Variants in CHEK2 observed in about 807,000 individuals in gnomAD.
CHEK2 encodes the protein serine/threonine-protein kinase Chk2.
CHEK2 carries 71 observed loss-of-function variants against 69.1 expected under a neutral mutation model. The observed-to-expected ratio is 1.03, with a 90% CI of 0.85 to 1.25. CHEK2 has a LOEUF of 1.25. CHEK2 is among the 50% of genes most tolerant of loss of function. The pLI is 0.00. For synonymous variants in CHEK2, 189 were observed against 226.9 expected (o/e 0.83, Z 1.50); for missense variants, 664 against 649.6 (o/e 1.02, Z -0.24).
chr22:28,711,946 C>T lies in CHEK2; in HGVS notation c.755G>A (p.Ser252Asn), dbSNP rs587781379. ...TCKKVAIKIISKRKFAIGSAR... is the reference protein window; with the variant it reads ...TCKKVAIKIINKRKFAIGSAR... ...TGAACCAATAGCAAACTTCCTTTTG[C>T]TGATGATCTTTATGGCTACTTTCTT... The change falls in exon 6 of 15, where the codon AGC becomes AAC. Residue 252 changes from serine to asparagine, a missense_variant. By Grantham distance (46) the Ser-to-Asn change is conservative. Coordinates refer to ENST00000404276, the MANE Select transcript of CHEK2 (RefSeq NM_007194.4). 36 of 1,613,908 alleles carry T rather than the reference C, an allele frequency of 2.2e-5. No homozygotes were observed. The East Asian group carries it at 8.0e-4, about 36-fold the overall frequency.
intron 4 of CHEK2, 165 bp downstream of exon 4, chr22:28,724,812 C>T (rs994477682): frequency 2.5e-5 from 18 of 732,070 alleles, no homozygotes; most frequent in African/African-American, 1.2e-4. Flanking sequence ...GTGATCCATC[C>T]GCCTCAGCCT....
intron 2 of CHEK2, chr22:28,728,064 G>A (rs368795797): frequency 6.6e-6 from 1 of 152,212 alleles, no homozygotes; most frequent in Non-Finnish European, 1.5e-5. Flanking sequence ...CCTGAAGGTC[G>A]AGGCTGCACT....
In CHEK2 at chr22:28,688,354, T is replaced by C. The variant is rs554426567; in HGVS notation, c.1543-368A>G. Among the ~76,000 whole-genome samples the C allele has an allele frequency of 2.2e-3, 334 of 152,354 alleles. 1 individual carries two copies. The highest frequency in any genetic ancestry group is 7.7e-3 in the African/African-American group (320 of 41,576). ...TTGCGGGAAGACAACCTTTGTGCCT[T>C]AGTTGTTTTCCCATATATAAAATTG... On this transcript the variant is annotated intron_variant, in intron 14 of 14. Coordinates refer to ENST00000404276, the MANE Select transcript of CHEK2 (RefSeq NM_007194.4).
intron 4 of CHEK2, among the ~76,000 whole-genome samples, chr22:28,720,038 T>C (rs770849612): frequency 6.6e-6 from 1 of 152,138 alleles, no homozygotes; most frequent in Admixed American, 6.6e-5. Flanking sequence ...AATAACATTT[T>C]CTAAACAAAT....
chr22:28,723,361 G>T (rs568249741), intron 4 of CHEK2, among the ~76,000 whole-genome samples: 4 of 152,154 alleles, frequency 2.6e-5, no homozygotes, highest in Non-Finnish European at 4.4e-5. Flanking sequence ...CACTTTGGGA[G>T]GCCGAGGCGG....
chr22:28,725,887 C>T (rs904181292), intron 2 of CHEK2, among the ~76,000 whole-genome samples: 4 of 143,374 alleles, frequency 2.8e-5, no homozygotes, highest in East Asian at 2.0e-4. Context: ...CTAGCCTGGG[C>T]GACAGAGTGA....
At chr22:28,717,004 C>G (rs1274188300) in intron 5 of CHEK2, among the ~76,000 whole-genome samples, 1 of 152,140 alleles carries the variant, frequency 6.6e-6, no homozygotes, top group African/African-American at 2.4e-5. Flanking sequence ...TCTAACTAAG[C>G]CAGATGTTAA....
chr22:28,733,937 A>G (rs918144351), intron 2 of CHEK2, among the ~76,000 whole-genome samples: 1 of 152,140 alleles, frequency 6.6e-6, no homozygotes, highest in Admixed American at 6.6e-5. Flanking sequence ...AAAAAAAAAA[A>G]AAAATTCCTG....
At position 28,725,363 on chromosome 22, in the gene CHEK2, A is replaced by G. The variant is rs1385799739; in HGVS notation, c.324T>C (p.Cys108=). Residue 108 remains cysteine, a synonymous_variant, in exon 3 of 15, where the codon TGT becomes TGC. Transcript: ENST00000404276. ...TCCCAAACCAGTAGTTGTCATTCAC[A>G]CATTCTGTAATATAAAAGCATGCAT... is the stretch of plus-strand genomic sequence containing the variant. ...ALQDGFANLE[C]VNDNYWFGRD... is the part of the protein sequence containing the mutation. 6.2e-7 allele frequency: 1 copy of G among 1,614,112 alleles called. No homozygotes were observed. The highest frequency in any genetic ancestry group is 2.2e-5 in the East Asian group (1 of 44,862).
At chr22:28,732,049 C>G (rs2054233209) in intron 2 of CHEK2, among the ~76,000 whole-genome samples, 1 of 152,198 alleles carries the variant, frequency 6.6e-6, no homozygotes. Context: ...TCCAGCAATT[C>G]TCCTGTCTCA....
At position 28,734,614 on chromosome 22, in the gene CHEK2, C is replaced by T. The variant is rs876660021; in HGVS notation, c.108G>A (p.Gln36=). Residue 36 remains glutamine (Q), a synonymous_variant, in exon 2 of 15, where the codon CAG becomes CAA. Coordinates refer to ENST00000404276, the MANE Select transcript of CHEK2 (RefSeq NM_007194.4). ...TGCTGGTAGAGGAGCTGGATATGCCCTGGGACTGTGAGGAGGAGCCTTGGG... is the reference window on the plus strand; with the variant it reads ...TGCTGGTAGAGGAGCTGGATATGCCTTGGGACTGTGAGGAGGAGCCTTGGG... ...TQSQGSSSQS[Q]GISSSSTSTM... 9.3e-6 allele frequency: 15 copies of T among 1,613,816 alleles called. No homozygotes were observed. Among genetic ancestry groups the T allele is most frequent in the Non-Finnish European group, 1.3e-5 (15 of 1,179,994 alleles).
chr22:28,741,786 A>G lies in CHEK2; in HGVS notation c.-24T>C. On this transcript the variant is annotated 5_prime_UTR_variant, in exon 1 of 15. Coordinates refer to ENST00000404276, the MANE Select transcript of CHEK2 (RefSeq NM_007194.4). ...TGACTCACCGCGTGAGCCCACCTGG[A>G]GCCGCACACTCTCCGCAGCCTCAGC... 2 of 478,514 alleles carry G rather than the reference A, an allele frequency of 4.2e-6. No homozygotes were observed. Among genetic ancestry groups the G allele is most frequent in the South Asian group, 4.7e-5 (2 of 42,860 alleles). 29.6% of individuals were successfully genotyped at this position (478,514 alleles called of 1,614,324 possible).
chr22:28,741,065 G>A (rs2054539961), intron 1 of CHEK2, among the ~76,000 whole-genome samples: 1 of 146,616 alleles, frequency 6.8e-6, no homozygotes, highest in Non-Finnish European at 1.5e-5. Context: ...CAGGAGAATC[G>A]CTTGAACCCA....
intron 13 of CHEK2, among the ~76,000 whole-genome samples, chr22:28,692,359 A>T (rs992806505): frequency 1.3e-5 from 2 of 152,190 alleles, no homozygotes; most frequent in Admixed American, 6.5e-5. Context: ...CCTTTCCTCC[A>T]GGGTCCCACT....
chr22:28,727,166 C>A (rs1326544350), intron 2 of CHEK2, among the ~76,000 whole-genome samples: 1 of 152,104 alleles, frequency 6.6e-6, no homozygotes, highest in Non-Finnish European at 1.5e-5. Flanking sequence ...CTCAGCCTCC[C>A]GAGTGGCTGG....
In CHEK2 at chr22:28,703,538, A is replaced by G. The variant is rs2052979739; in HGVS notation, c.875T>C (p.Phe292Ser). 4 of 1,558,158 alleles carry G rather than the reference A, an allele frequency of 2.6e-6. No homozygotes were observed. Among genetic ancestry groups the G allele is most frequent in the South Asian group, 2.3e-5 (2 of 87,912 alleles). The change falls in exon 8 of 15, where the codon TTT becomes TCT. Residue 292 changes from phenylalanine (F) to serine (S), a missense_variant. Transcript: ENST00000404276. The stretch of plus-strand genomic sequence containing the variant: ...AACAATATAATAATCTTCTGCATCA[A>G]AAAAGTTTTTAATCTTGATGATGCA... ...HPCIIKIKNFFDAEDYYIVLE... is the reference protein window; with the variant it reads ...HPCIIKIKNFSDAEDYYIVLE...
rs1601851707 is a variant in CHEK2, at chr22:28,734,455, G to A, written c.267C>T (p.Thr89=). 1.2e-6 allele frequency: 2 copies of A among 1,614,060 alleles called. No homozygotes were observed. Among genetic ancestry groups the A allele is most frequent in the Non-Finnish European group, 1.7e-6 (2 of 1,179,984 alleles). ...CCCATAATCGAGCCCAGGGGGCAGGGGTAGGCTCCTCAGGTTCTTGGTCCT... is the reference window on the plus strand; with the variant it reads ...CCCATAATCGAGCCCAGGGGGCAGGAGTAGGCTCCTCAGGTTCTTGGTCCT... ...EPEDQEPEEP[T]PAPWARLWAL... is the part of the protein sequence containing the mutation. Residue 89 remains threonine, a synonymous_variant, in exon 2 of 15, where the codon ACC becomes ACT. Transcript: ENST00000404276.
chr22:28,733,978 C>G (rs536174991), intron 2 of CHEK2, among the ~76,000 whole-genome samples: 1 of 152,072 alleles, frequency 6.6e-6, no homozygotes, highest in South Asian at 2.1e-4. Flanking sequence ...AATTTGCACT[C>G]TGGCCTATGA....
Position 28,696,968 on chromosome 22 carries a change from A to AG in CHEK2, c.1027_1028insC (p.Ile343ThrfsTer5). On this transcript the variant is annotated frameshift_variant, in exon 10 of 15. Coordinates refer to ENST00000404276, the MANE Select transcript of CHEK2 (RefSeq NM_007194.4). LOFTEE classifies it high-confidence loss of function. Reference sequence around the variant, plus strand: ...CTCTGGCTTTAAGTCACGGTGTATAATACCGTTTTCATGAAGGTACTACAC... The same window carrying AG: ...CTCTGGCTTTAAGTCACGGTGTATAAGTACCGTTTTCATGAAGGTACTACAC... 1 of 1,612,654 alleles carries AG rather than the reference A, an allele frequency of 6.2e-7. No individual in the cohort carries two copies. The highest frequency in any genetic ancestry group is 1.1e-5 in the South Asian group (1 of 91,028).
Sources: allele counts gnomAD v4.1 joint callset (sites outside exome capture counted in the v4.1 genomes callset), GRCh38; gene constraint gnomAD v4.1.1; transcripts MANE v1.5; gene names NCBI Gene and HGNC (gene_info 2026-07-23, HGNC 2026-07-21).